Variants in FNDC3B observed in about 807,000 individuals in gnomAD.
FNDC3B encodes the protein fibronectin type III domain containing 3B.
In FNDC3B, 12 loss-of-function variants were observed where a neutral mutation model predicts 151.5. The ratio of observed to expected loss-of-function variants is 0.08; its 90% CI spans 0.05 to 0.13. FNDC3B has a LOEUF of 0.13. FNDC3B is among the 10% of genes least tolerant of loss of function. The pLI, the probability that FNDC3B is intolerant of heterozygous loss-of-function variation, is 1.00. For missense variants in FNDC3B, 1,214 were observed against 1,505.3 expected (o/e 0.81, Z 3.20); for synonymous variants, 528 against 549.0 (o/e 0.96, Z 0.54).
At chr3:172,312,984 A>G (rs376544983) in intron 11 of FNDC3B, among the ~76,000 whole-genome samples, 6 of 152,152 alleles carry the variant, frequency 3.9e-5, no homozygotes, top group Admixed American at 2.0e-4. Flanking sequence ...AAAATGTTAA[A>G]TGGCTGAGTT....
intron 9 of FNDC3B, chr3:172,307,107 C>G (rs989461738): frequency 2.4e-6 from 1 of 425,202 alleles, no homozygotes; most frequent in Admixed American, 3.7e-5. Context: ...AGAATAATCT[C>G]TTCTAGTCAG....
rs1257600001 is a variant in FNDC3B at position 172,156,883 on chromosome 3, A to G, written c.187+23337A>G. 7.2e-5 allele frequency among the ~76,000 whole-genome samples: 11 copies of G among 152,158 alleles called. 1 individual carries two copies. Among genetic ancestry groups the G allele is most frequent in the Admixed American group, 1.3e-4 (2 of 15,276 alleles). ...GGTGTGTTTCATCAGATTACGGACT[A>G]TCAGAAGTTTACTTGTCCTCAATAT... is the stretch of plus-strand genomic sequence containing the variant. On this transcript the variant is annotated intron_variant, in intron 3 of 25. Coordinates refer to ENST00000415807, the MANE Select transcript of FNDC3B (RefSeq NM_022763.4).
At chr3:172,326,882 T>C (rs963314957) in intron 11 of FNDC3B, among the ~76,000 whole-genome samples, 1 of 151,946 alleles carries the variant, frequency 6.6e-6, no homozygotes, top group African/African-American at 2.4e-5. Context: ...ATAGGAAAAA[T>C]GAGGCATTAA....
intron 3 of FNDC3B, among the ~76,000 whole-genome samples, chr3:172,178,812 A>G (rs972517662): frequency 1.3e-5 from 2 of 152,236 alleles, no homozygotes; most frequent in African/African-American, 4.8e-5. Context: ...ATGGGTAAAA[A>G]GCCTGTGCCA....
intron 3 of FNDC3B, among the ~76,000 whole-genome samples, chr3:172,144,317 C>A (rs573255619): frequency 1.2e-4 from 18 of 152,274 alleles, no homozygotes; most frequent in African/African-American, 4.1e-4. Flanking sequence ...CCAGCAGGCC[C>A]CACCTCCAAC....
Position 172,369,709 on chromosome 3 carries a change from C to T in FNDC3B, c.3008+6864C>T, listed in dbSNP as rs181047058. Among the ~76,000 whole-genome samples, 142 of 152,298 alleles carry T rather than the reference C, an allele frequency of 9.3e-4. 2 individuals are homozygous for T. In the Middle Eastern group the frequency reaches 0.017, roughly 18 times the overall value. ...TTCATGCTTAGTCGGTAAACGGGGA[C>T]TCTTGCCAACATCAAAATCAGTTTA... On this transcript the variant is annotated intron_variant, in intron 23 of 25. Transcript: ENST00000415807.
At chr3:172,165,554 A>G (rs1722966095) in intron 3 of FNDC3B, among the ~76,000 whole-genome samples, 1 of 152,192 alleles carries the variant, frequency 6.6e-6, no homozygotes, top group Non-Finnish European at 1.5e-5. Context: ...ATATTTAATA[A>G]TTGCAATATC....
chr3:172,165,613 A>C (rs1235691833), intron 3 of FNDC3B, among the ~76,000 whole-genome samples: 1 of 152,224 alleles, frequency 6.6e-6, no homozygotes, highest in Non-Finnish European at 1.5e-5. Flanking sequence ...TTGAACTTTC[A>C]TACTGTACTA....
chr3:172,278,602 A>T (rs1000354660), intron 6 of FNDC3B, among the ~76,000 whole-genome samples: 4 of 152,182 alleles, frequency 2.6e-5, no homozygotes, highest in Admixed American at 6.5e-5. Context: ...GTGGGTTTGC[A>T]TCCCTGTACA....
intron 23 of FNDC3B, among the ~76,000 whole-genome samples, chr3:172,366,803 G>A (rs1019593526): frequency 2.0e-5 from 3 of 152,228 alleles, no homozygotes; most frequent in Non-Finnish European, 4.4e-5. Flanking sequence ...TGCCAGTCTT[G>A]TAACCTCATG....
At chr3:172,285,150 G>A (rs541655234) in intron 6 of FNDC3B, among the ~76,000 whole-genome samples, 5 of 152,028 alleles carry the variant, frequency 3.3e-5, no homozygotes, top group South Asian at 2.1e-4. Context: ...TGAGCAAGCC[G>A]AAAACTAGGA....
Position 172,112,457 on chromosome 3 carries a change from C to T in FNDC3B, c.-23C>T. The T allele has an allele frequency of 6.4e-7, 1 of 1,551,598 alleles. No homozygotes were observed. The highest frequency in any genetic ancestry group is 8.9e-7 in the Non-Finnish European group (1 of 1,122,986). ...AAGCGGCGGTTCTCTTGCAGGAAGCCAGTTGAGGGAAGTTCTCCATGAATG... is the reference window on the plus strand; with the variant it reads ...AAGCGGCGGTTCTCTTGCAGGAAGCTAGTTGAGGGAAGTTCTCCATGAATG... On this transcript the variant is annotated 5_prime_UTR_variant, in exon 2 of 26. Transcript: ENST00000415807.
rs185526053 is a variant in FNDC3B, at chr3:172,307,987, C to T, written c.1200+486C>T. Among the ~76,000 whole-genome samples, 416 of 152,250 alleles carry T rather than the reference C, an allele frequency of 2.7e-3. 1 individual carries two copies. Among genetic ancestry groups the T allele is most frequent in the African/African-American group, 9.6e-3 (397 of 41,542 alleles). On this transcript the variant is annotated intron_variant, in intron 10 of 25. Transcript: ENST00000415807. ...TTTCTAATAGTCTAGCTCATTTCAA[C>T]AAACATTTGAGGACTTTAGCAAAAA... is the stretch of plus-strand genomic sequence containing the variant.
chr3:172,042,045 CTTTTAAAGTGTTGTGG>C (rs571402162), intron 1 of FNDC3B, among the ~76,000 whole-genome samples: 137 of 151,874 alleles, frequency 9.0e-4, no homozygotes, highest in Middle Eastern at 3.4e-3. Flanking sequence ...CTCACACGTG[CTTTTAAAGTGTTGTGG>C]TTTAAATTAC....
At chr3:172,297,678 G>T (rs1412448798) in intron 8 of FNDC3B, among the ~76,000 whole-genome samples, 9 of 152,040 alleles carry the variant, frequency 5.9e-5, no homozygotes, top group African/African-American at 1.7e-4. Flanking sequence ...GTTTCACCGT[G>T]TTAGCCAGGA....
intron 3 of FNDC3B, among the ~76,000 whole-genome samples, chr3:172,221,221 G>A (rs1726262567): frequency 6.6e-6 from 1 of 152,098 alleles, no homozygotes; most frequent in African/African-American, 2.4e-5. Context: ...GTTGGGATAT[G>A]TCATATGTGA....
chr3:172,387,698 T>G (rs2108384476), intron 25 of FNDC3B, among the ~76,000 whole-genome samples: 1 of 152,320 alleles, frequency 6.6e-6, no homozygotes, highest in South Asian at 2.1e-4. Context: ...TAAAATGAAC[T>G]GATAGTCACT....
At chr3:172,111,528 A>T (rs1450635174) in intron 1 of FNDC3B, among the ~76,000 whole-genome samples, 1 of 152,210 alleles carries the variant, frequency 6.6e-6, no homozygotes, top group Non-Finnish European at 1.5e-5. Context: ...TATAATAAAC[A>T]GGTAAAATTT....
chr3:172,375,722 GCT>G (rs1474424806), intron 23 of FNDC3B, among the ~76,000 whole-genome samples: 3 of 152,162 alleles, frequency 2.0e-5, no homozygotes, highest in African/African-American at 7.2e-5. Flanking sequence ...TAGACAGTGG[GCT>G]ACATTAGAGG....
Sources: allele counts gnomAD v4.1 joint callset (sites outside exome capture counted in the v4.1 genomes callset), GRCh38; gene constraint gnomAD v4.1.1; transcripts MANE v1.5; gene names NCBI Gene and HGNC (gene_info 2026-07-23, HGNC 2026-07-21).